Variants in NEK11 observed in about 807,000 individuals in gnomAD.
NEK11 encodes the protein NIMA related kinase 11, also known as serine/threonine-protein kinase Nek11.
In NEK11, 72 loss-of-function variants were observed where a neutral mutation model predicts 80.7. The ratio of observed to expected loss-of-function variants is 0.89; its 90% CI spans 0.74 to 1.08. The LOEUF (loss-of-function observed/expected upper bound fraction) is 1.08, where lower values mean the gene tolerates loss of function less well. Ranked by LOEUF, NEK11 falls within the 50% of genes least tolerant of loss-of-function variation. The pLI is 0.00. For synonymous variants in NEK11, 251 were observed against 260.7 expected, an observed-to-expected ratio of 0.96 and a Z score of 0.36; for missense variants, 764 against 763.6, an observed-to-expected ratio of 1.00 and a Z score of -0.01.
chr3:131,142,899 G>T (rs1240207966), intron 7 of NEK11, among the ~76,000 whole-genome samples: 1 of 152,138 alleles, frequency 6.6e-6, no homozygotes, highest in East Asian at 1.9e-4. Flanking sequence ...CTCAGTTGTG[G>T]AGGAAAGTAA....
At chr3:131,255,120 G>GA (rs1272955121) in intron 16 of NEK11, among the ~76,000 whole-genome samples, 2 of 150,946 alleles carry the variant, frequency 1.3e-5, no homozygotes, top group African/African-American at 2.5e-5. Flanking sequence ...AAGAAAGAAA[G>GA]AAAGAAAGAG....
intron 7 of NEK11, among the ~76,000 whole-genome samples, chr3:131,136,061 A>G (rs931746092): frequency 1.1e-4 from 17 of 151,558 alleles, no homozygotes; most frequent in African/African-American, 4.1e-4. Context: ...TGACTCAAGA[A>G]AAAAAAAACA....
intron 17 of NEK11, among the ~76,000 whole-genome samples, chr3:131,285,461 C>T (rs1405348784): frequency 6.6e-6 from 1 of 152,198 alleles, no homozygotes; most frequent in Non-Finnish European, 1.5e-5. Context: ...CCTGATGAGG[C>T]AGTTCTTGAG....
At chr3:131,104,427 A>T (rs550607970) in intron 4 of NEK11, among the ~76,000 whole-genome samples, 1 of 152,100 alleles carries the variant, frequency 6.6e-6, no homozygotes, top group East Asian at 1.9e-4. Flanking sequence ...CTGGAGGCCA[A>T]TGACAGTTCT....
intron 14 of NEK11, among the ~76,000 whole-genome samples, chr3:131,186,070 T>G (rs1232286818): frequency 6.6e-6 from 1 of 152,162 alleles, no homozygotes; most frequent in Admixed American, 6.5e-5. Flanking sequence ...TACACAGCAA[T>G]TTTTTACTAA....
At chr3:131,257,543 C>T (rs2108408425) in intron 16 of NEK11, among the ~76,000 whole-genome samples, 1 of 152,162 alleles carries the variant, frequency 6.6e-6, no homozygotes, top group Middle Eastern at 3.4e-3. Flanking sequence ...GAGAGATGGC[C>T]CTTGCGGTGT....
chr3:131,126,955 CTTTCTTTTTT>C (rs1393209351), intron 5 of NEK11, among the ~76,000 whole-genome samples: 9 of 105,076 alleles, frequency 8.6e-5, no homozygotes, highest in Non-Finnish European at 1.7e-4. Context: ...TTCTTTCTTT[CTTTCTTTTTT>C]TTTTTTTTTT....
At chr3:131,037,025 T>G (rs1239167371) in intron 3 of NEK11, among the ~76,000 whole-genome samples, 2 of 152,226 alleles carry the variant, frequency 1.3e-5, no homozygotes, top group East Asian at 3.8e-4. Context: ...GGCTTTCTTG[T>G]CATTTAACGG....
At chr3:131,173,687 A>T (rs780406457) in intron 14 of NEK11, among the ~76,000 whole-genome samples, 4 of 151,986 alleles carry the variant, frequency 2.6e-5, no homozygotes, top group African/African-American at 4.8e-5. Flanking sequence ...AGTCTTTGTC[A>T]TGTGTCTCTT....
At chr3:131,280,309 T>C (rs959254318) in intron 17 of NEK11, among the ~76,000 whole-genome samples, 5 of 152,214 alleles carry the variant, frequency 3.3e-5, no homozygotes, top group Non-Finnish European at 5.9e-5. Flanking sequence ...CTTTAGGAAC[T>C]GCAATTACAC....
At chr3:131,171,905 GAGA>G (rs1486107074) in intron 14 of NEK11, among the ~76,000 whole-genome samples, 2 of 152,194 alleles carry the variant, frequency 1.3e-5, no homozygotes, top group Non-Finnish European at 2.9e-5. Flanking sequence ...CTGATCCTCT[GAGA>G]AGCAGATGCT....
chr3:131,115,995 A>G (rs1281468170), intron 5 of NEK11, among the ~76,000 whole-genome samples: 1 of 59,464 alleles, frequency 1.7e-5, no homozygotes, highest in Non-Finnish European at 3.5e-5. Context: ...TCTTTATTAT[A>G]CTTTAAGTTC....
At chr3:131,069,332 C>A (rs1447018844) in intron 3 of NEK11, among the ~76,000 whole-genome samples, 1 of 152,122 alleles carries the variant, frequency 6.6e-6, no homozygotes, top group East Asian at 1.9e-4. Flanking sequence ...TCACTGAAAT[C>A]TGCAATTCTT....
At chr3:131,088,778 T>C (rs1015491334) in intron 4 of NEK11, among the ~76,000 whole-genome samples, 3 of 152,226 alleles carry the variant, frequency 2.0e-5, no homozygotes, top group African/African-American at 4.8e-5. Flanking sequence ...AAAATCATAA[T>C]ACTGCATGGC....
intron 5 of NEK11, among the ~76,000 whole-genome samples, chr3:131,125,571 AC>A (rs1475778426): frequency 2.0e-5 from 3 of 152,128 alleles, no homozygotes; most frequent in African/African-American, 7.2e-5. Flanking sequence ...GCCATCTCTT[AC>A]AGTTGCTGAT....
intron 14 of NEK11, among the ~76,000 whole-genome samples, chr3:131,218,169 T>C (rs1022204650): frequency 7.2e-5 from 11 of 152,226 alleles, no homozygotes; most frequent in Non-Finnish European, 5.9e-5. Flanking sequence ...GATATTTTTA[T>C]TATAATGTCC....
At chr3:131,165,178 T>C in intron 11 of NEK11, 1 of 407,078 alleles carries the variant, frequency 2.5e-6, no homozygotes, top group South Asian at 3.6e-5. Flanking sequence ...AGAGGAGCAC[T>C]GCCTTCTCCT....
intron 15 of NEK11, among the ~76,000 whole-genome samples, chr3:131,231,639 A>T (rs970042124): frequency 6.6e-6 from 1 of 151,798 alleles, no homozygotes; most frequent in Non-Finnish European, 1.5e-5. Flanking sequence ...CAGTAATTCA[A>T]TGTAGTTTCT....
At chr3:131,209,919 C>A (rs2094557883) in intron 14 of NEK11, among the ~76,000 whole-genome samples, 1 of 152,132 alleles carries the variant, frequency 6.6e-6, no homozygotes, top group Non-Finnish European at 1.5e-5. Context: ...TTTTGTTGAT[C>A]TCTTCAAAAA....
Sources: allele counts gnomAD v4.1 joint callset (sites outside exome capture counted in the v4.1 genomes callset), GRCh38; gene constraint gnomAD v4.1.1; transcripts MANE v1.5; gene names NCBI Gene and HGNC (gene_info 2026-07-23, HGNC 2026-07-21).